CDH13: variants seen among roughly 807,000 people sequenced by gnomAD.
CDH13 encodes the protein cadherin 13, also known as cadherin-13.
Under a neutral mutation model 63.8 loss-of-function variants are expected in CDH13, and 24 were observed. The observed-to-expected ratio is 0.38, with a 90% CI of 0.27 to 0.53. The LOEUF (loss-of-function observed/expected upper bound fraction) is 0.53, where lower values mean the gene tolerates loss of function less well. CDH13 is among the 20% of genes least tolerant of loss of function. The pLI is 0.85. For missense variants in CDH13, 1,049 were observed against 903.1 expected (o/e 1.16, Z -2.07); for synonymous variants, 503 against 355.3 (o/e 1.42, Z -4.67).
intron 5 of CDH13, among the ~76,000 whole-genome samples, chr16:83,221,176 C>A (rs1400720059): frequency 1.3e-5 from 2 of 152,210 alleles, no homozygotes; most frequent in African/African-American, 4.8e-5. Context: ...TATATCTAAT[C>A]TGCAAATTCC....
At chr16:82,793,781 G>A (rs1165425823) in intron 1 of CDH13, among the ~76,000 whole-genome samples, 2 of 152,112 alleles carry the variant, frequency 1.3e-5, no homozygotes, top group Non-Finnish European at 2.9e-5. Flanking sequence ...TGGCCTCAGA[G>A]GAAAACAGAT....
intron 1 of CDH13, among the ~76,000 whole-genome samples, chr16:82,690,932 G>A (rs929017536): frequency 6.6e-6 from 1 of 152,182 alleles, no homozygotes; most frequent in African/African-American, 2.4e-5. Flanking sequence ...GGCAGATAAA[G>A]AATCAGTCAT....
At chr16:83,621,115 C>G (rs780592025) in intron 8 of CDH13, among the ~76,000 whole-genome samples, 3 of 152,182 alleles carry the variant, frequency 2.0e-5, no homozygotes, top group Non-Finnish European at 4.4e-5. Context: ...AAGGCTCCGA[C>G]AGCTGAAGAA....
At chr16:83,182,495 A>G (rs1362520538) in intron 4 of CDH13, among the ~76,000 whole-genome samples, 2 of 152,148 alleles carry the variant, frequency 1.3e-5, no homozygotes, top group Non-Finnish European at 2.9e-5. Context: ...TCACTTTATG[A>G]TCTCCACGTG....
chr16:82,971,241 T>C (rs1908698044), intron 2 of CDH13, among the ~76,000 whole-genome samples: 1 of 152,214 alleles, frequency 6.6e-6, no homozygotes, highest in Admixed American at 6.5e-5. Flanking sequence ...TTATCCACAT[T>C]GACAGCTGAT....
At chr16:83,229,165 A>G (rs913984061) in intron 5 of CDH13, among the ~76,000 whole-genome samples, 2 of 152,186 alleles carry the variant, frequency 1.3e-5, no homozygotes, top group African/African-American at 4.8e-5. Flanking sequence ...GTGACATCCA[A>G]TTTGCATTTC....
At chr16:82,634,008 C>G (rs1225865596) in intron 1 of CDH13, among the ~76,000 whole-genome samples, 1 of 152,242 alleles carries the variant, frequency 6.6e-6, no homozygotes, top group East Asian at 1.9e-4. Flanking sequence ...CTAACATTAA[C>G]AACAGGCACG....
chr16:83,171,490 T>C (rs1011602649), intron 4 of CDH13: 2 of 1,519,954 alleles, frequency 1.3e-6, no homozygotes, highest in Non-Finnish European at 1.8e-6. Context: ...TCTATGAAAA[T>C]AGACTGCCCA....
chr16:83,134,483 C>A (rs1567863262), intron 4 of CDH13, among the ~76,000 whole-genome samples: 1 of 148,498 alleles, frequency 6.7e-6, no homozygotes. Flanking sequence ...AGATGCTGTG[C>A]CCAGCCAGTA....
intron 7 of CDH13, among the ~76,000 whole-genome samples, chr16:83,570,062 C>T (rs150509481): frequency 2.9e-4 from 44 of 152,216 alleles, no homozygotes; most frequent in Non-Finnish European, 4.6e-4. Context: ...AACTGATCAT[C>T]ATCCATTCCC....
At chr16:83,305,755 C>G (rs910444773) in intron 5 of CDH13, among the ~76,000 whole-genome samples, 1 of 152,134 alleles carries the variant, frequency 6.6e-6, no homozygotes, top group African/African-American at 2.4e-5. Flanking sequence ...GGGATTAATA[C>G]TACTTACCTT....
intron 1 of CDH13, among the ~76,000 whole-genome samples, chr16:82,792,349 C>T (rs1268398403): frequency 6.6e-6 from 1 of 152,146 alleles, no homozygotes; most frequent in African/African-American, 2.4e-5. Context: ...CACTAGCCTA[C>T]TATTTGATAT....
intron 3 of CDH13, among the ~76,000 whole-genome samples, chr16:83,079,384 A>T (rs560213128): frequency 6.6e-6 from 1 of 152,298 alleles, no homozygotes; most frequent in African/African-American, 2.4e-5. Flanking sequence ...AATCAACCTC[A>T]CTGTGATGCA....
intron 7 of CDH13, among the ~76,000 whole-genome samples, chr16:83,549,278 C>T (rs2075446977): frequency 6.6e-6 from 1 of 152,204 alleles, no homozygotes; most frequent in Non-Finnish European, 1.5e-5. Flanking sequence ...CTCCAGGTCA[C>T]CTCTCTGTGC....
chr16:83,055,765 T>C (rs965687376), intron 3 of CDH13, among the ~76,000 whole-genome samples: 6 of 152,112 alleles, frequency 3.9e-5, no homozygotes, highest in Non-Finnish European at 8.8e-5. Context: ...CAACATAATC[T>C]TCTTTGCAAT....
At chr16:83,411,428 G>C (rs56767833) in intron 6 of CDH13, among the ~76,000 whole-genome samples, 4,340 of 152,254 alleles carry the variant, frequency 0.029, 190 homozygotes, top group African/African-American at 0.098. Context: ...GCTAGACCAA[G>C]AGCTCCATGA....
intron 5 of CDH13, among the ~76,000 whole-genome samples, chr16:83,233,303 C>G (rs66969614): frequency 8.5e-5 from 13 of 152,264 alleles, no homozygotes; most frequent in Non-Finnish European, 1.6e-4. Flanking sequence ...CACCCAGTGA[C>G]GACCACGACA....
At chr16:83,667,831 A>G (rs1376158935) in intron 8 of CDH13, among the ~76,000 whole-genome samples, 2 of 151,600 alleles carry the variant, frequency 1.3e-5, no homozygotes, top group East Asian at 3.9e-4. Flanking sequence ...CTAATTTTTT[A>G]CATTTTTTTT....
At chr16:83,608,017 T>G (rs1003975846) in intron 8 of CDH13, among the ~76,000 whole-genome samples, 1 of 152,196 alleles carries the variant, frequency 6.6e-6, no homozygotes, top group Admixed American at 6.5e-5. Context: ...TCATGGGGAT[T>G]AATAAACTCG....
Sources: allele counts gnomAD v4.1 joint callset (sites outside exome capture counted in the v4.1 genomes callset), GRCh38; gene constraint gnomAD v4.1.1; transcripts MANE v1.5; gene names NCBI Gene and HGNC (gene_info 2026-07-23, HGNC 2026-07-21).